The following CACNA1E variants were observed in gnomAD, a reference collection of about 807,000 sequenced individuals.
The protein encoded by CACNA1E is calcium voltage-gated channel subunit alpha1 E, also known as voltage-dependent R-type calcium channel subunit alpha-1E.
CACNA1E carries 40 observed loss-of-function variants against 259.2 expected under a neutral mutation model. The ratio of observed to expected loss-of-function variants is 0.15; its 90% CI spans 0.12 to 0.20. CACNA1E has a LOEUF of 0.20. Among genes scored for constraint, CACNA1E ranks in the 10% least tolerant of loss-of-function variants. CACNA1E has a pLI of 1.00. For missense variants in CACNA1E, 1,874 were observed against 3,040.1 expected, an observed-to-expected ratio of 0.62 and a Z score of 9.02; for synonymous variants, 1,104 against 1,138.5, an observed-to-expected ratio of 0.97 and a Z score of 0.61.
Position 181,772,263 on chromosome 1 carries a change from T to C in CACNA1E, c.5139+32T>C, listed in dbSNP as rs372320649. On this transcript the variant is annotated intron_variant, in intron 37 of 47. Transcript: ENST00000367573. ...AACATTGTGCTTTTGCCTTGCTATGTGGCCCATCCCATCCTACCCCTAACC... is the reference window on the plus strand; with the variant it reads ...AACATTGTGCTTTTGCCTTGCTATGCGGCCCATCCCATCCTACCCCTAACC... 11 of 1,599,738 alleles carry C rather than the reference T, an allele frequency of 6.9e-6. No individual in the cohort carries two copies. The African/African-American group carries it at 1.5e-4, about 21-fold the overall frequency.
chr1:181,503,781 G>A (rs1211461756), intron 1 of CACNA1E, among the ~76,000 whole-genome samples: 1 of 152,186 alleles, frequency 6.6e-6, no homozygotes, highest in African/African-American at 2.4e-5. Flanking sequence ...TTGGTTCTGT[G>A]GGAATGGATG....
At chr1:181,752,874 C>G (rs1657722028) in intron 27 of CACNA1E, among the ~76,000 whole-genome samples, 1 of 152,208 alleles carries the variant, frequency 6.6e-6, no homozygotes. Flanking sequence ...CTCAACTCCC[C>G]TGGGGTTCCA....
At chr1:181,795,771 T>A (rs1186847364) in intron 46 of CACNA1E, among the ~76,000 whole-genome samples, 1 of 138,646 alleles carries the variant, frequency 7.2e-6, no homozygotes. Context: ...GCTTTAAATA[T>A]ATATATATAT....
intron 6 of CACNA1E, among the ~76,000 whole-genome samples, chr1:181,623,607 T>C (rs1165398237): frequency 6.6e-6 from 1 of 152,252 alleles, no homozygotes; most frequent in Non-Finnish European, 1.5e-5. Context: ...TTCAGACCAC[T>C]GCAATAAAGT....
intron 1 of CACNA1E, among the ~76,000 whole-genome samples, chr1:181,405,722 A>C (rs372545852): frequency 1.3e-5 from 2 of 152,310 alleles, no homozygotes; most frequent in African/African-American, 4.8e-5. Flanking sequence ...TCTGCTCTCC[A>C]GTGGTTAAGC....
At chr1:181,496,483 A>G (rs2102538978) in intron 1 of CACNA1E, among the ~76,000 whole-genome samples, 1 of 152,252 alleles carries the variant, frequency 6.6e-6, no homozygotes, top group Admixed American at 6.5e-5. Context: ...ACTACTTCCT[A>G]TCTGCTTAGG....
chr1:181,466,320 A>G (rs1361802504), intron 2 of CACNA1E, among the ~76,000 whole-genome samples: 1 of 152,070 alleles, frequency 6.6e-6, no homozygotes, highest in African/African-American at 2.4e-5. Context: ...AGGCTGGTGG[A>G]TCACTTGAAG....
rs570698122 is a variant in CACNA1E at position 181,807,701 on chromosome 1, A to G, written c.*8867A>G. 7.9e-5 allele frequency: 12 copies of G among 152,262 alleles called. No homozygotes were observed. Among genetic ancestry groups the G allele is most frequent in the African/African-American group, 2.9e-4 (12 of 41,566 alleles). 9.4% of individuals were successfully genotyped at this position (152,262 alleles called of 1,614,324 possible). ...AAGATATTTTCTTGAGCCCTAAGAT[A>G]TATGACTTTATTAGCTAGGATTTTT... On this transcript the variant is annotated 3_prime_UTR_variant, in exon 48 of 48. Transcript: ENST00000367573.
chr1:181,699,169 C>T (rs578129067), intron 7 of CACNA1E, among the ~76,000 whole-genome samples: 12 of 152,290 alleles, frequency 7.9e-5, no homozygotes, highest in Admixed American at 4.6e-4. Flanking sequence ...TACTTCTGAA[C>T]GTTCTGATGC....
chr1:181,326,398 A>C (rs1470393974), intron 1 of CACNA1E, among the ~76,000 whole-genome samples: 3 of 152,196 alleles, frequency 2.0e-5, no homozygotes, highest in Non-Finnish European at 4.4e-5. Flanking sequence ...TGTCCTGGCC[A>C]TTCACAATAG....
At chr1:181,437,886 A>G (rs189636050) in intron 2 of CACNA1E, among the ~76,000 whole-genome samples, 3 of 152,258 alleles carry the variant, frequency 2.0e-5, no homozygotes, top group East Asian at 1.9e-4. Flanking sequence ...TTCAGCCTTC[A>G]TCTCTCCTCT....
chr1:181,564,494 C>A (rs1200904099), intron 3 of CACNA1E, among the ~76,000 whole-genome samples: 1 of 152,178 alleles, frequency 6.6e-6, no homozygotes, highest in Non-Finnish European at 1.5e-5. Flanking sequence ...CTATTCTTAC[C>A]ACATCTTCAG....
rs1427488672 is a variant in CACNA1E, at chr1:181,580,591, G to T, written c.770-4G>T. ...TATCTCCTACCCTCCAAATGTGTCT[G>T]CAGGTATTCTAGAAGGATTTGACCC... On this transcript the variant is annotated splice_polypyrimidine_tract_variant and splice_region_variant and intron_variant, in intron 5 of 47. Coordinates refer to ENST00000367573, the MANE Select transcript of CACNA1E (RefSeq NM_001205293.3). The T allele has an allele frequency of 6.2e-7, 1 of 1,613,728 alleles. No homozygotes were observed. Among genetic ancestry groups the T allele is most frequent in the Non-Finnish European group, 8.5e-7 (1 of 1,179,592 alleles).
intron 37 of CACNA1E, 148 bp from the exon 38 acceptor site, chr1:181,775,953 C>A (rs1434956439): frequency 2.8e-6 from 2 of 707,848 alleles, no homozygotes; most frequent in African/African-American, 3.6e-5. Flanking sequence ...GCCCTCCTTG[C>A]AGATCCCTGA....
intron 11 of CACNA1E, 108 bp downstream of exon 11, chr1:181,717,410 C>A: frequency 1.2e-6 from 1 of 864,142 alleles, no homozygotes; most frequent in South Asian, 1.5e-5. Flanking sequence ...AAGGTTCTAC[C>A]TCTTCACGCT....
intron 7 of CACNA1E, among the ~76,000 whole-genome samples, chr1:181,693,066 G>T (rs570690343): frequency 2.3e-4 from 30 of 130,596 alleles, no homozygotes; most frequent in Non-Finnish European, 3.9e-4. Flanking sequence ...AATTATTGGA[G>T]AAATACGAAT....
At chr1:181,438,631 G>A (rs949858239) in intron 2 of CACNA1E, among the ~76,000 whole-genome samples, 1 of 152,130 alleles carries the variant, frequency 6.6e-6, no homozygotes, top group Non-Finnish European at 1.5e-5. Flanking sequence ...AAACAATTAG[G>A]AGAAATTTAT....
At chr1:181,743,930 A>G (rs1656820916) in intron 25 of CACNA1E, among the ~76,000 whole-genome samples, 1 of 152,258 alleles carries the variant, frequency 6.6e-6, no homozygotes, top group Non-Finnish European at 1.5e-5. Flanking sequence ...CCCGTGCATC[A>G]GTCAGTTACA....
intron 1 of CACNA1E, among the ~76,000 whole-genome samples, chr1:181,353,080 C>G (rs1275093018): frequency 1.3e-5 from 2 of 152,164 alleles, no homozygotes; most frequent in African/African-American, 4.8e-5. Context: ...TTTGCTGTAT[C>G]TAACACAGAT....
Sources: allele counts gnomAD v4.1 joint callset (sites outside exome capture counted in the v4.1 genomes callset), GRCh38; gene constraint gnomAD v4.1.1; transcripts MANE v1.5; gene names NCBI Gene and HGNC (gene_info 2026-07-23, HGNC 2026-07-21).